Variants in FBXO34 observed in about 807,000 individuals in gnomAD.
FBXO34 encodes F-box only protein 34.
A neutral mutation model predicts 24.5 loss-of-function variants in FBXO34; 12 were observed. The ratio of observed to expected loss-of-function variants is 0.49; its 90% confidence interval spans 0.31 to 0.79. The LOEUF (loss-of-function observed/expected upper bound fraction) is 0.79. Ranked by LOEUF, FBXO34 falls within the 30% of genes least tolerant of loss-of-function variation. The pLI, the probability that FBXO34 is intolerant of heterozygous loss-of-function variation, is 0.04. For missense variants in FBXO34, 823 were observed against 857.7 expected (o/e 0.96, Z 0.51); for synonymous variants, 320 against 311.9 (o/e 1.03, Z -0.27).
chr14:55,368,997 T>C (rs997218761), downstream of FBXO34: 3 of 152,540 alleles, frequency 2.0e-5, no homozygotes, highest in Non-Finnish European at 4.4e-5. Flanking sequence ...TTTTCTTTGG[T>C]GTGTGGGGGA....
chr14:55,289,342 T>G (rs1270857428), intron 1 of FBXO34, among the ~76,000 whole-genome samples: 6 of 152,170 alleles, frequency 3.9e-5, no homozygotes, highest in Non-Finnish European at 8.8e-5. Context: ...TATATTTTAG[T>G]AGGATGGAAG....
the FBXO34 span, among the ~76,000 whole-genome samples, chr14:55,438,333 G>A: frequency 6.6e-6 from 1 of 152,134 alleles, no homozygotes; most frequent in Non-Finnish European, 1.5e-5. Flanking sequence ...ACAAAATCAA[G>A]CTATTCTCTT....
At chr14:55,335,678 A>G (rs903686188) in intron 1 of FBXO34, among the ~76,000 whole-genome samples, 1 of 152,222 alleles carries the variant, frequency 6.6e-6, no homozygotes, top group East Asian at 1.9e-4. Context: ...TACTTAGTAT[A>G]TAAGATGAAC....
intron 1 of FBXO34, among the ~76,000 whole-genome samples, chr14:55,324,315 A>G (rs1218366681): frequency 6.6e-6 from 1 of 152,158 alleles, no homozygotes; most frequent in East Asian, 1.9e-4. Context: ...TACTTGTACC[A>G]CAGTTTGTTT....
downstream of FBXO34, among the ~76,000 whole-genome samples, chr14:55,372,985 T>C (rs1884851716): frequency 6.6e-6 from 1 of 151,972 alleles, no homozygotes; most frequent in African/African-American, 2.4e-5. Flanking sequence ...TCAACCTACA[T>C]TTCTGAGAAG....
At chr14:55,393,459 A>G in the FBXO34 span, among the ~76,000 whole-genome samples, 8 of 152,312 alleles carry the variant, frequency 5.3e-5, no homozygotes, top group African/African-American at 1.9e-4. Flanking sequence ...ATTACAGAAG[A>G]AAAACAGAAA....
chr14:55,356,510 C>T (rs560124691), downstream of FBXO34, among the ~76,000 whole-genome samples: 71 of 152,196 alleles, frequency 4.7e-4, no homozygotes, highest in African/African-American at 1.6e-3. Flanking sequence ...TGCGGTGGTG[C>T]GATCTCAGCT....
intron 1 of FBXO34, among the ~76,000 whole-genome samples, chr14:55,300,236 A>AT (rs1882302066): frequency 6.6e-6 from 1 of 152,158 alleles, no homozygotes; most frequent in Non-Finnish European, 1.5e-5. Flanking sequence ...TTATAGGTCC[A>AT]TTTTTAGGCT....
At chr14:55,283,568 G>C (rs779607697) in intron 1 of FBXO34, among the ~76,000 whole-genome samples, 1 of 151,102 alleles carries the variant, frequency 6.6e-6, no homozygotes, top group African/African-American at 2.4e-5. Context: ...GGGTTCAAGC[G>C]ATTCTCCTGC....
At chr14:55,389,297 C>T in the FBXO34 span, among the ~76,000 whole-genome samples, 7 of 152,256 alleles carry the variant, frequency 4.6e-5, no homozygotes, top group Admixed American at 2.0e-4. Flanking sequence ...CATGGTAAGA[C>T]GGGGAGAGCA....
At position 55,271,547 on chromosome 14, in the gene FBXO34, G is replaced by T. The variant is rs541013045; in HGVS notation, c.-11+10G>T. ...CGGGGCAGGAGCGCAGGTGGGTCCGGGCCGAGGTGGGGCGTGGCGCGAGGG... is the reference window on the plus strand; with the variant it reads ...CGGGGCAGGAGCGCAGGTGGGTCCGTGCCGAGGTGGGGCGTGGCGCGAGGG... On this transcript the variant is annotated intron_variant, in intron 1 of 1. Coordinates refer to ENST00000313833, the MANE Select transcript of FBXO34 (RefSeq NM_017943.4). 6.7e-6 allele frequency: 1 copy of T among 149,804 alleles called. No individual in the cohort carries two copies. Among genetic ancestry groups the T allele is most frequent in the Non-Finnish European group, 1.5e-5 (1 of 67,300 alleles). The allele number at this position is 149,804 out of a possible 1,614,324, so 9.3% of individuals were successfully genotyped here.
chr14:55,337,578 T>C (rs1444599839), intron 1 of FBXO34, among the ~76,000 whole-genome samples: 1 of 152,208 alleles, frequency 6.6e-6, no homozygotes, highest in Non-Finnish European at 1.5e-5. Context: ...CATTAGAAAA[T>C]TACAGATTTG....
chr14:55,427,040 C>T, the FBXO34 span, among the ~76,000 whole-genome samples: 1 of 152,190 alleles, frequency 6.6e-6, no homozygotes, highest in Non-Finnish European at 1.5e-5. Context: ...CAGATGTACA[C>T]TAAGCCGATT....
At chr14:55,424,884 A>G in the FBXO34 span, among the ~76,000 whole-genome samples, 80 of 152,346 alleles carry the variant, frequency 5.3e-4, no homozygotes, top group Middle Eastern at 3.4e-3. Context: ...TCCACACTCC[A>G]GCCTGGAGAG....
the FBXO34 span, among the ~76,000 whole-genome samples, chr14:55,389,789 T>C: frequency 6.6e-6 from 1 of 152,236 alleles, no homozygotes; most frequent in Non-Finnish European, 1.5e-5. Context: ...TAGAAATGTA[T>C]ATGATGTTAC....
At chr14:55,279,281 C>T (rs903600770) in intron 1 of FBXO34, among the ~76,000 whole-genome samples, 28 of 116,344 alleles carry the variant, frequency 2.4e-4, no homozygotes, top group African/African-American at 8.5e-4. Flanking sequence ...AGCGAGACTC[C>T]GTCAAAAAAA....
chr14:55,378,655 CCACT>C, the FBXO34 span, among the ~76,000 whole-genome samples: 1 of 152,038 alleles, frequency 6.6e-6, no homozygotes, highest in African/African-American at 2.4e-5. Context: ...ACACACCTGC[CCACT>C]CAAACACAGC....
At chr14:55,377,908 A>G in the FBXO34 span, 1 of 1,600,704 alleles carries the variant, frequency 6.2e-7, no homozygotes, top group Non-Finnish European at 8.5e-7. Context: ...TTACATGCTA[A>G]AAAAAATTAA....
At chr14:55,365,504 C>G (rs1331665424), downstream of FBXO34, among the ~76,000 whole-genome samples, 1 of 152,144 alleles carries the variant, frequency 6.6e-6, no homozygotes, top group African/African-American at 2.4e-5. Flanking sequence ...AGTCCAGTTT[C>G]AAGTTTTCTG....
Sources: gnomAD v4.1 joint callset for allele counts (sites outside exome capture counted in the v4.1 genomes callset) on GRCh38, gnomAD v4.1.1 for gene constraint, MANE v1.5 for transcripts, NCBI Gene and HGNC (gene_info 2026-07-23, HGNC 2026-07-21) for gene names.